CCDC7: variants seen among roughly 807,000 people sequenced by gnomAD.
The protein encoded by CCDC7 is coiled-coil domain containing 7.
Under a neutral mutation model 196.9 loss-of-function variants are expected in CCDC7, and 183 were observed. The observed-to-expected ratio is 0.93, with a 90% confidence interval of 0.82 to 1.05. The LOEUF (loss-of-function observed/expected upper bound fraction) is 1.05. Ranked by LOEUF, CCDC7 falls within the 50% of genes least tolerant of loss-of-function variation. The pLI, the probability that CCDC7 is intolerant of heterozygous loss-of-function variation, is 0.00. For missense variants in CCDC7, 1,540 were observed against 1,482.2 expected (o/e 1.04, Z -0.64); for synonymous variants, 525 against 484.6 (o/e 1.08, Z -1.10).
intron 21 of CCDC7, among the ~76,000 whole-genome samples, chr10:32,667,533 A>T (rs2073062312): frequency 6.6e-6 from 1 of 152,144 alleles, no homozygotes; most frequent in African/African-American, 2.4e-5. Context: ...ATCCACGTGA[A>T]TTAATTTTTG....
intron 20 of CCDC7, among the ~76,000 whole-genome samples, chr10:32,648,502 A>G (rs1369304407): frequency 6.6e-6 from 1 of 152,158 alleles, no homozygotes; most frequent in Non-Finnish European, 1.5e-5. Flanking sequence ...AGAATGATTT[A>G]TATTCCTTTG....
In CCDC7 at chr10:32,836,365, A is replaced by G. The variant is rs61108996; in HGVS notation, c.3352+1467A>G. Among the ~76,000 whole-genome samples the G allele has an allele frequency of 7.4e-3, 1,129 of 152,258 alleles. 14 individuals are homozygous for G. The highest frequency in any genetic ancestry group is 0.026 in the African/African-American group (1,089 of 41,564). ...GTTTTAAAATATGATGAGTAAATCA[A>G]TATCTAGATTTTTCTACAATATCAT... On this transcript the variant is annotated intron_variant, in intron 33 of 41. Coordinates refer to ENST00000639629, the Ensembl canonical transcript of CCDC7.
rs570118221 is a variant in CCDC7, at chr10:32,584,450, A to G, written c.1801+146A>G. On this transcript the variant is annotated intron_variant, in intron 18 of 41. Transcript: ENST00000639629. Reference sequence around the variant, plus strand: ...CACTGGATAGCATACAAATATAACGACAATTATATAAAAATTATCTCGGTG... The same window carrying G: ...CACTGGATAGCATACAAATATAACGGCAATTATATAAAAATTATCTCGGTG... 81 of 495,384 alleles carry G rather than the reference A, an allele frequency of 1.6e-4. No individual in the cohort carries two copies. The South Asian group carries it at 3.4e-3, about 21-fold the overall frequency. 30.7% of individuals were successfully genotyped at this position (495,384 alleles called of 1,614,324 possible).
intron 21 of CCDC7, among the ~76,000 whole-genome samples, chr10:32,683,452 C>G (rs892988136): frequency 6.6e-5 from 10 of 152,220 alleles, no homozygotes; most frequent in Admixed American, 6.5e-4. Flanking sequence ...GTTCTTTTTG[C>G]TGAAGATTGC....
At chr10:32,790,130 C>A (rs1178486380) in intron 29 of CCDC7, among the ~76,000 whole-genome samples, 1 of 152,102 alleles carries the variant, frequency 6.6e-6, no homozygotes, top group African/African-American at 2.4e-5. Flanking sequence ...TGGCATTACA[C>A]CTTAGTGGTC....
At chr10:32,565,761 T>G (rs551003899) in intron 14 of CCDC7, 141 bp downstream of exon 15, 20 of 727,988 alleles carry the variant, frequency 2.7e-5, no homozygotes, top group Non-Finnish European at 4.2e-5. Flanking sequence ...CTATATTCAT[T>G]TTATGCATTA....
chr10:32,488,287 G>T (rs949175502), intron 8 of CCDC7, among the ~76,000 whole-genome samples: 1 of 152,236 alleles, frequency 6.6e-6, no homozygotes, highest in Non-Finnish European at 1.5e-5. Flanking sequence ...TCCAAGCCAG[G>T]CGCGGGATAT....
intron 24 of CCDC7, 119 bp downstream of exon 25, chr10:32,695,111 G>A (rs1219548164): frequency 4.5e-6 from 2 of 447,258 alleles, no homozygotes; most frequent in Non-Finnish European, 7.9e-6. Context: ...ATACTTTACA[G>A]TGTGAATACC....
chr10:32,640,864 C>CTTTTTTTTCTTT (rs2066621450), intron 20 of CCDC7, among the ~76,000 whole-genome samples: 1 of 74,536 alleles, frequency 1.3e-5, no homozygotes, highest in Admixed American at 1.7e-4. Context: ...TGTAGATTTT[C>CTTTTTTTTCTTT]TTTTTTTTTT....
At chr10:32,640,102 C>A (rs989960140) in intron 20 of CCDC7, among the ~76,000 whole-genome samples, 1 of 152,120 alleles carries the variant, frequency 6.6e-6, no homozygotes, top group Admixed American at 6.5e-5. Context: ...TCCTTGTTAA[C>A]TTTCTGTCTC....
intron 2 of CCDC7, among the ~76,000 whole-genome samples, chr10:32,455,091 C>G (rs2034016008): frequency 6.6e-6 from 1 of 152,092 alleles, no homozygotes; most frequent in East Asian, 1.9e-4. Flanking sequence ...CTGTATTTCT[C>G]TATCTTCTCT....
chr10:32,824,658 T>G (rs2090843720), intron 32 of CCDC7, 54 bp downstream of exon 33: 4 of 1,214,338 alleles, frequency 3.3e-6, no homozygotes, highest in Admixed American at 3.7e-5. Context: ...TCTCTGGAGT[T>G]TAAGTATGTA....
At chr10:32,567,048 A>G (rs974963485) in intron 14 of CCDC7, among the ~76,000 whole-genome samples, 5 of 145,954 alleles carry the variant, frequency 3.4e-5, no homozygotes, top group Admixed American at 6.9e-5. Context: ...GCTAATATAT[A>G]TATAATATAT....
chr10:32,867,099 TA>T (rs1161128890), intron 41 of CCDC7, among the ~76,000 whole-genome samples: 2 of 151,574 alleles, frequency 1.3e-5, no homozygotes, highest in Admixed American at 6.6e-5. Flanking sequence ...TAAGAGAGAC[TA>T]AAAAAACCCA....
chr10:32,645,503 CTTTTTTTTTTTTTT>C (rs35170235), intron 20 of CCDC7, among the ~76,000 whole-genome samples: 1 of 65,144 alleles, frequency 1.5e-5, no homozygotes, highest in Non-Finnish European at 3.1e-5. Context: ...GAGTCCATGT[CTTTTTTTTTTTTTT>C]TTTTTTTTTT....
intron 18 of CCDC7, among the ~76,000 whole-genome samples, chr10:32,612,535 G>T (rs890358816): frequency 1.3e-5 from 2 of 152,162 alleles, no homozygotes; most frequent in Non-Finnish European, 2.9e-5. Flanking sequence ...TGCCCATTCA[G>T]TATGATATGG....
intron 8 of CCDC7, among the ~76,000 whole-genome samples, chr10:32,483,663 G>C (rs1371070033): frequency 6.6e-6 from 1 of 152,052 alleles, no homozygotes; most frequent in Non-Finnish European, 1.5e-5. Flanking sequence ...ATCTTGAATT[G>C]ATTTTTGTAT....
intron 8 of CCDC7, among the ~76,000 whole-genome samples, chr10:32,485,225 G>C (rs2040801404): frequency 6.6e-6 from 1 of 152,172 alleles, no homozygotes; most frequent in African/African-American, 2.4e-5. Context: ...GTTTAGTCTT[G>C]GGACGGTGTG....
chr10:32,518,854 C>T (rs897889683), intron 11 of CCDC7, among the ~76,000 whole-genome samples: 1 of 151,834 alleles, frequency 6.6e-6, no homozygotes, highest in Admixed American at 6.6e-5. Context: ...GTTCATTATA[C>T]CAAATAGAGT....
Sources: allele counts gnomAD v4.1 joint callset (sites outside exome capture counted in the v4.1 genomes callset), GRCh38; gene constraint gnomAD v4.1.1; transcripts MANE v1.5; gene names NCBI Gene and HGNC (gene_info 2026-07-23, HGNC 2026-07-21).